Variants in SWT1 observed in about 807,000 individuals in gnomAD.
The protein encoded by SWT1 is SWT1 RNA endoribonuclease homolog.
SWT1 carries 33 observed loss-of-function variants against 107.3 expected under a neutral mutation model. The ratio of observed to expected loss-of-function variants is 0.31; its 90% CI spans 0.23 to 0.41. The LOEUF (loss-of-function observed/expected upper bound fraction) is 0.41, where lower values mean the gene tolerates loss of function less well. Ranked by LOEUF, SWT1 falls within the 10% of genes least tolerant of loss-of-function variation. The probability of loss-of-function intolerance (pLI) is 1.00; values close to 1 mark genes in which losing one functional copy is unlikely to be tolerated. For missense variants in SWT1, 898 were observed against 1,028.9 expected, an observed-to-expected ratio of 0.87 and a Z score of 1.74; for synonymous variants, 345 against 348.3, an observed-to-expected ratio of 0.99 and a Z score of 0.11.
chr1:185,165,378 C>T (rs1001508024), intron 2 of SWT1, among the ~76,000 whole-genome samples: 3 of 152,142 alleles, frequency 2.0e-5, no homozygotes, highest in Non-Finnish European at 4.4e-5. Flanking sequence ...CATAAACCTT[C>T]AATTTGTAAA....
intron 6 of SWT1, 50 bp downstream of exon 6, chr1:185,180,500 T>C: frequency 7.6e-7 from 1 of 1,321,154 alleles, no homozygotes; most frequent in Non-Finnish European, 1.1e-6. Flanking sequence ...ATTAAGTCAG[T>C]TCCTACTTTT....
chr1:185,253,391 A>G (rs1196965163), intron 16 of SWT1, among the ~76,000 whole-genome samples: 14 of 152,038 alleles, frequency 9.2e-5, no homozygotes, highest in East Asian at 5.8e-4. Context: ...CCATTTTCAC[A>G]ATATTGATTC....
chr1:185,241,601 TTA>T (rs1661258640), intron 16 of SWT1, among the ~76,000 whole-genome samples: 1 of 152,154 alleles, frequency 6.6e-6, no homozygotes, highest in Non-Finnish European at 1.5e-5. Flanking sequence ...AATCAGTTCC[TTA>T]ATACTTTGAA....
In SWT1 at chr1:185,166,558, T is replaced by C; in HGVS notation, c.85-14T>C. The C allele has an allele frequency of 1.3e-6, 2 of 1,539,614 alleles. No homozygotes were observed. Among genetic ancestry groups the C allele is most frequent in the Non-Finnish European group, 8.9e-7 (1 of 1,122,782 alleles). ...TGTGCTTTTTAAAATTCATTTTCTTTATTGCATTCTTAGGACAAGAAAGAG... is the reference window on the plus strand; with the variant it reads ...TGTGCTTTTTAAAATTCATTTTCTTCATTGCATTCTTAGGACAAGAAAGAG... On this transcript the variant is annotated splice_polypyrimidine_tract_variant and intron_variant, in intron 2 of 18. Coordinates refer to ENST00000367500, the MANE Select transcript of SWT1 (RefSeq NM_017673.7).
chr1:185,204,504 ATATT>A (rs1658150134), intron 11 of SWT1, among the ~76,000 whole-genome samples, 192 bp from the exon 12 acceptor site: 1 of 152,116 alleles, frequency 6.6e-6, no homozygotes. Flanking sequence ...TTAAAGTAAT[ATATT>A]TATGTTGCAT....
intron 15 of SWT1, among the ~76,000 whole-genome samples, chr1:185,224,821 C>A (rs1447868035): frequency 6.6e-6 from 1 of 151,986 alleles, no homozygotes; most frequent in Non-Finnish European, 1.5e-5. Context: ...TATCCTGCAA[C>A]TTTATTGAAT....
chr1:185,172,123 G>A (rs1478028401), intron 4 of SWT1, among the ~76,000 whole-genome samples: 2 of 152,200 alleles, frequency 1.3e-5, no homozygotes, highest in Non-Finnish European at 1.5e-5. Flanking sequence ...CTACCAGAGT[G>A]ATGGCACTGA....
chr1:185,177,566 C>T (rs1655672723), intron 5 of SWT1, among the ~76,000 whole-genome samples: 1 of 152,122 alleles, frequency 6.6e-6, no homozygotes, highest in Non-Finnish European at 1.5e-5. Context: ...ATATTATCTT[C>T]AGCATATTAT....
chr1:185,232,225 A>T (rs953648437), intron 16 of SWT1, among the ~76,000 whole-genome samples: 2 of 152,194 alleles, frequency 1.3e-5, no homozygotes, highest in African/African-American at 4.8e-5. Context: ...GCAGATCCTA[A>T]CACAAGTTAA....
At chr1:185,220,293 G>C (rs1283014651) in intron 14 of SWT1, among the ~76,000 whole-genome samples, 1 of 140,582 alleles carries the variant, frequency 7.1e-6, no homozygotes, top group African/African-American at 2.7e-5. Context: ...TCACTTACCT[G>C]TTAATCCTTT....
At chr1:185,286,348 T>C (rs1052744614) in intron 18 of SWT1, among the ~76,000 whole-genome samples, 2 of 151,946 alleles carry the variant, frequency 1.3e-5, no homozygotes, top group Admixed American at 1.3e-4. Context: ...CTTAGCCTCC[T>C]GAGTAGCTGG....
At chr1:185,245,079 C>T (rs1661510827) in intron 16 of SWT1, among the ~76,000 whole-genome samples, 1 of 152,090 alleles carries the variant, frequency 6.6e-6, no homozygotes, top group African/African-American at 2.4e-5. Context: ...GAGACCCCAT[C>T]TCTAAGAACG....
chr1:185,248,349 T>C (rs1172462162), intron 16 of SWT1, among the ~76,000 whole-genome samples: 1 of 152,208 alleles, frequency 6.6e-6, no homozygotes, highest in African/African-American at 2.4e-5. Context: ...CATAAATACA[T>C]GGATTTTCAG....
chr1:185,291,438 C>T lies in SWT1; in HGVS notation c.*635C>T, dbSNP rs1558108764. On this transcript the variant is annotated 3_prime_UTR_variant, in exon 19 of 19. Coordinates refer to ENST00000367500, the MANE Select transcript of SWT1 (RefSeq NM_017673.7). The stretch of plus-strand genomic sequence containing the variant: ...ACATTTCTAGTGGGGAAGAGCAGGG[C>T]GACCCCTCTGCTGGGTTTCTCCTTA... 1 of 152,502 alleles carries T rather than the reference C, an allele frequency of 6.6e-6. No individual in the cohort carries two copies. Among genetic ancestry groups the T allele is most frequent in the Non-Finnish European group, 1.5e-5 (1 of 68,000 alleles). The allele number at this position is 152,502 out of a possible 1,614,324, so 9.4% of individuals were successfully genotyped here. A position where few individuals can be genotyped will look rare whatever the true frequency, so the allele number is the denominator to read the frequency against.
In SWT1 at chr1:185,160,889, A is replaced by G; in HGVS notation, c.48A>G (p.Lys16=). The G allele has an allele frequency of 6.2e-7, 1 of 1,613,514 alleles. No homozygotes were observed. Among genetic ancestry groups the G allele is most frequent in the Non-Finnish European group, 8.5e-7 (1 of 1,179,752 alleles). ...SCGKKETSQR[K]DTTTSSPNFG... ...GGAAAAAAGAGACATCTCAGAGGAA[A>G]GACACCACCACCTCATCACCCAATT... is the stretch of plus-strand genomic sequence containing the variant. The change falls in exon 2 of 19, where the codon AAA becomes AAG. Residue 16 remains lysine, a synonymous_variant. Transcript: ENST00000367500.
At position 185,186,363 on chromosome 1, in the gene SWT1, G is replaced by A. The variant is rs1478572420; in HGVS notation, c.1429+1432G>A. ...GAATTGGTAACTTTGTAGAAGAGCA[G>A]TATTTAGCAATGTGCTTGAATAAGC... On this transcript the variant is annotated intron_variant, in intron 9 of 18. Coordinates refer to ENST00000367500, the MANE Select transcript of SWT1 (RefSeq NM_017673.7). 2.0e-5 allele frequency among the ~76,000 whole-genome samples: 3 copies of A among 152,266 alleles called. 1 individual carries two copies. The East Asian group carries it at 5.8e-4, about 29-fold the overall frequency.
intron 18 of SWT1, chr1:185,280,721 A>G: frequency 3.9e-6 from 1 of 254,436 alleles, no homozygotes; most frequent in Non-Finnish European, 7.8e-6. Flanking sequence ...AAATCCCTGA[A>G]CTGGCAGTAG....
rs561669823 is a variant in SWT1 at position 185,175,883 on chromosome 1, C to G, written c.966+770C>G. ...AGGGACTTATTCAAGTGAAGAGAGA[C>G]ACAAGCAATTTCCTTAAATAGGAAA... is the stretch of plus-strand genomic sequence containing the variant. On this transcript the variant is annotated intron_variant, in intron 5 of 18. Coordinates refer to ENST00000367500, the MANE Select transcript of SWT1 (RefSeq NM_017673.7). Among the ~76,000 whole-genome samples, 13 of 152,234 alleles carry G rather than the reference C, an allele frequency of 8.5e-5. No individual in the cohort carries two copies. In the South Asian group the frequency reaches 1.0e-3, roughly 12 times the overall value.
chr1:185,229,360 A>C (rs1035809919), intron 15 of SWT1, among the ~76,000 whole-genome samples: 1 of 152,116 alleles, frequency 6.6e-6, no homozygotes, highest in South Asian at 2.1e-4. Context: ...AGATGATTGT[A>C]CCTGGCAATC....
Sources: allele counts gnomAD v4.1 joint callset (sites outside exome capture counted in the v4.1 genomes callset), GRCh38; gene constraint gnomAD v4.1.1; transcripts MANE v1.5; gene names NCBI Gene and HGNC (gene_info 2026-07-23, HGNC 2026-07-21).